The following RBM47 variants were observed in gnomAD, a reference collection of about 807,000 sequenced individuals.
RBM47 encodes RNA binding motif protein 47.
A neutral mutation model predicts 47.1 loss-of-function variants in RBM47; 21 were observed. The observed-to-expected ratio is 0.45, with a 90% CI of 0.32 to 0.64. RBM47 has a LOEUF of 0.64. Among genes scored for constraint, RBM47 ranks in the 30% least tolerant of loss-of-function variants. RBM47 has a pLI of 0.05. For missense variants in RBM47, 708 were observed against 870.9 expected (o/e 0.81, Z 2.35); for synonymous variants, 375 against 361.7 (o/e 1.04, Z -0.42).
chr4:40,614,388 T>A (rs1736525121), intron 1 of RBM47, among the ~76,000 whole-genome samples: 1 of 152,024 alleles, frequency 6.6e-6, no homozygotes, highest in South Asian at 2.1e-4. Flanking sequence ...CTATCTAATT[T>A]TAAAAGAAAG....
intron 1 of RBM47, among the ~76,000 whole-genome samples, chr4:40,565,209 A>AT (rs1284692778): frequency 2.0e-5 from 3 of 152,106 alleles, no homozygotes; most frequent in African/African-American, 7.2e-5. Flanking sequence ...CTGTGAAGTT[A>AT]TTTTCTCATT....
chr4:40,616,558 C>T (rs1355370248), intron 1 of RBM47, among the ~76,000 whole-genome samples: 3 of 152,018 alleles, frequency 2.0e-5, no homozygotes, highest in Non-Finnish European at 4.4e-5. Context: ...GTTGCTCACC[C>T]TCATATCCCC....
At position 40,515,712 on chromosome 4, in the gene RBM47, G is replaced by A. The variant is rs193253662; in HGVS notation, c.-155+28710C>T. Among the ~76,000 whole-genome samples the A allele has an allele frequency of 2.2e-3, 331 of 152,250 alleles. 3 individuals are homozygous for A. Among genetic ancestry groups the A allele is most frequent in the Non-Finnish European group, 4.7e-4 (32 of 68,014 alleles). On this transcript the variant is annotated intron_variant, in intron 2 of 6. Transcript: ENST00000295971. Reference sequence around the variant, plus strand: ...GGAGTAACTTAACCTCCCTGAGCCCGTCTCCTCATCTATAAAGTACAAATG... The same window carrying A: ...GGAGTAACTTAACCTCCCTGAGCCCATCTCCTCATCTATAAAGTACAAATG...
In RBM47 at chr4:40,629,835, C is replaced by T. The variant is rs1738073056; in HGVS notation, c.-679G>A. 6.6e-6 allele frequency: 1 copy of T among 152,216 alleles called. No homozygotes were observed. Among genetic ancestry groups the T allele is most frequent in the Non-Finnish European group, 1.5e-5 (1 of 68,030 alleles). The allele number at this position is 152,216 out of a possible 1,614,324, so 9.4% of individuals were successfully genotyped here. ...CGCCGCGTCCCGGCTGCGTGGGGCG[C>T]TGCGCACGGGAGCGCTCAGCGTCTA... On this transcript the variant is annotated 5_prime_UTR_variant, in exon 1 of 7. Coordinates refer to ENST00000295971, the MANE Select transcript of RBM47 (RefSeq NM_001098634.2).
At chr4:40,614,575 T>C (rs11945586) in intron 1 of RBM47, among the ~76,000 whole-genome samples, 16,471 of 151,546 alleles carry the variant, frequency 0.11, 967 homozygotes, top group South Asian at 0.12. Flanking sequence ...GGCTCACACC[T>C]GTAATTACAA....
chr4:40,461,174 ACTC>A (rs1717087936), intron 3 of RBM47, among the ~76,000 whole-genome samples: 1 of 152,094 alleles, frequency 6.6e-6, no homozygotes, highest in Non-Finnish European at 1.5e-5. Flanking sequence ...GGTCTACTAA[ACTC>A]CTGGAACAAT....
chr4:40,587,676 C>T (rs1171438669), intron 1 of RBM47, among the ~76,000 whole-genome samples: 1 of 152,206 alleles, frequency 6.6e-6, no homozygotes, highest in Non-Finnish European at 1.5e-5. Context: ...CCTTAACCCT[C>T]CTGAGCCTTG....
chr4:40,581,721 A>G (rs1353252760), intron 1 of RBM47, among the ~76,000 whole-genome samples: 1 of 143,434 alleles, frequency 7.0e-6, no homozygotes, highest in Admixed American at 7.0e-5. Flanking sequence ...GAGAGCCTTC[A>G]GGGTGTGTGT....
intron 3 of RBM47, among the ~76,000 whole-genome samples, chr4:40,440,159 T>G (rs1458953850): frequency 2.6e-5 from 4 of 152,188 alleles, no homozygotes; most frequent in African/African-American, 9.7e-5. Flanking sequence ...ATCTATTTCA[T>G]TTTTTGGACT....
intron 2 of RBM47, among the ~76,000 whole-genome samples, chr4:40,474,849 C>CA (rs1719383955): frequency 6.6e-6 from 1 of 152,128 alleles, no homozygotes; most frequent in African/African-American, 2.4e-5. Flanking sequence ...CTCACATATA[C>CA]ATTTTGTTGC....
intron 3 of RBM47, among the ~76,000 whole-genome samples, chr4:40,445,154 G>C (rs1001551483): frequency 6.9e-6 from 1 of 144,846 alleles, no homozygotes; most frequent in Admixed American, 6.9e-5. Context: ...GACGCCTGTA[G>C]TCCCAGCCAC....
At chr4:40,457,714 C>T (rs922381228) in intron 3 of RBM47, among the ~76,000 whole-genome samples, 33 of 152,316 alleles carry the variant, frequency 2.2e-4, no homozygotes, top group African/African-American at 7.9e-4. Flanking sequence ...GGATTAGAGG[C>T]ATGAGTCACT....
At chr4:40,595,182 G>A (rs1195499678) in intron 1 of RBM47, among the ~76,000 whole-genome samples, 1 of 152,152 alleles carries the variant, frequency 6.6e-6, no homozygotes, top group Admixed American at 6.6e-5. Flanking sequence ...GCCTGGGAAG[G>A]GGGAATAGCC....
At chr4:40,507,011 C>T (rs113111370) in intron 2 of RBM47, among the ~76,000 whole-genome samples, 18,405 of 152,202 alleles carry the variant, frequency 0.12, 1,207 homozygotes, top group East Asian at 0.21. Context: ...GGCTGGAGTG[C>T]AGTGGTGCGA....
At chr4:40,611,152 T>C (rs1025745090) in intron 1 of RBM47, among the ~76,000 whole-genome samples, 3 of 152,174 alleles carry the variant, frequency 2.0e-5, no homozygotes, top group African/African-American at 7.2e-5. Context: ...GAAAATTTCA[T>C]GGGACTCATT....
In RBM47 at chr4:40,438,337, C is replaced by T. The variant is rs1211110382; in HGVS notation, c.557G>A (p.Ser186Asn). The change falls in exon 4 of 7, where the codon AGC (serine) becomes AAC (asparagine). Residue 186 changes from serine to asparagine, a missense_variant. Physicochemically the swap from Ser to Asn is conservative, Grantham distance 46. Coordinates refer to ENST00000295971, the MANE Select transcript of RBM47 (RefSeq NM_001098634.2). The part of the protein sequence containing the change: ...EGVLDVIVYA[S>N]AADKMKNRGF... ...GCGGTTCTTCATCTTGTCGGCCGCGCTGGCGTAGACGATCACGTCCAGCAC... is the reference window on the plus strand; with the variant it reads ...GCGGTTCTTCATCTTGTCGGCCGCGTTGGCGTAGACGATCACGTCCAGCAC... 19 of 1,609,990 alleles carry T rather than the reference C, an allele frequency of 1.2e-5. No individual in the cohort carries two copies. The highest frequency in any genetic ancestry group is 3.3e-5 in the Admixed American group (2 of 60,008).
intron 1 of RBM47, among the ~76,000 whole-genome samples, chr4:40,604,560 A>G (rs1735575051): frequency 6.6e-6 from 1 of 152,110 alleles, no homozygotes; most frequent in African/African-American, 2.4e-5. Context: ...CTGGGAGTTA[A>G]AGGCTGCAGT....
At chr4:40,456,571 C>CTTTTTTTTTTTTTTTTTTTTTTTTTT (rs34320480) in intron 3 of RBM47, among the ~76,000 whole-genome samples, 7 of 112,576 alleles carry the variant, frequency 6.2e-5, no homozygotes, top group Admixed American at 2.3e-4. Flanking sequence ...TTTCTTTTTT[C>CTTTTTTTTTTTTTTTTTTTTTTTTTT]TTTTTTTTTT....
Position 40,534,914 on chromosome 4 carries a change from G to A in RBM47, c.-155+9508C>T, listed in dbSNP as rs572646038. ...CGTGCCAGTGCACTCCAGCCTGGGC[G>A]ATGGAGCAAGACTCCGTCTCAGAAA... On this transcript the variant is annotated intron_variant, in intron 2 of 6. Transcript: ENST00000295971. Among the ~76,000 whole-genome samples, 12 of 141,436 alleles carry A rather than the reference G, an allele frequency of 8.5e-5. No individual in the cohort carries two copies. In the East Asian group the frequency reaches 1.6e-3, roughly 19 times the overall value. 92.8% of individuals were successfully genotyped at this position (141,436 alleles called of 152,430 possible).
Sources: allele counts gnomAD v4.1 joint callset (sites outside exome capture counted in the v4.1 genomes callset), GRCh38; gene constraint gnomAD v4.1.1; transcripts MANE v1.5; gene names NCBI Gene and HGNC (gene_info 2026-07-23, HGNC 2026-07-21).